DDAH1: variants seen among roughly 807,000 people sequenced by gnomAD.
DDAH1 encodes the protein dimethylarginine dimethylaminohydrolase 1.
DDAH1 carries 19 observed loss-of-function variants against 28.8 expected under a neutral mutation model. That is an observed-to-expected ratio of 0.66 (90% CI 0.46 to 0.97). The LOEUF (loss-of-function observed/expected upper bound fraction) is 0.97. Ranked by LOEUF, DDAH1 falls within the 50% of genes least tolerant of loss-of-function variation. The probability of loss-of-function intolerance (pLI) is 0.00; values close to 1 mark genes in which losing one functional copy is unlikely to be tolerated. For missense variants in DDAH1, 326 were observed against 375.9 expected (o/e 0.87, Z 1.10); for synonymous variants, 153 against 154.4 (o/e 0.99, Z 0.07).
chr1:85,424,564 A>G (rs1046901398), intron 1 of DDAH1, among the ~76,000 whole-genome samples: 1 of 152,000 alleles, frequency 6.6e-6, no homozygotes, highest in African/African-American at 2.4e-5. Context: ...TTAAAAAACT[A>G]TTTTTCCCCC....
chr1:85,482,598 C>T (rs534116154), intron 2 of DDAH1: 22 of 152,224 alleles, frequency 1.4e-4, no homozygotes, highest in Admixed American at 5.9e-4. Flanking sequence ...CATCCCAGAC[C>T]CAATAAATGA....
At position 85,538,462 on chromosome 1, in the gene DDAH1, GC is replaced by G. The variant is rs1167472481; in HGVS notation, c.-123+39521del. Among the ~76,000 whole-genome samples the G allele has an allele frequency of 7.9e-5, 12 of 152,270 alleles. No homozygotes were observed. In the South Asian group the frequency reaches 8.3e-4, roughly 11 times the overall value. On this transcript the variant is annotated intron_variant, in intron 1 of 6. Transcript: ENST00000426972. ...GTATCATTATTATTAGTGTTGGATTGCCCTAAAAGGGGAACACCCGGGGGCC... is the reference window on the plus strand; with the variant it reads ...GTATCATTATTATTAGTGTTGGATTGCCTAAAAGGGGAACACCCGGGGGCC...
intron 2 of DDAH1, among the ~76,000 whole-genome samples, chr1:85,473,358 T>G (rs1655682994): frequency 6.6e-6 from 1 of 152,192 alleles, no homozygotes; most frequent in Admixed American, 6.5e-5. Context: ...CATTTGATAT[T>G]CAATATATAT....
intron 1 of DDAH1, among the ~76,000 whole-genome samples, chr1:85,430,493 A>G (rs1653624909): frequency 1.3e-5 from 2 of 152,000 alleles, no homozygotes; most frequent in Admixed American, 6.6e-5. Context: ...TTTGGGCAGT[A>G]TGGCCATTTT....
intron 4 of DDAH1, among the ~76,000 whole-genome samples, chr1:85,343,772 T>C (rs1168311146): frequency 6.6e-6 from 1 of 152,212 alleles, no homozygotes; most frequent in Non-Finnish European, 1.5e-5. Flanking sequence ...AAAAAGCATA[T>C]AAAATCCAAA....
At chr1:85,365,483 G>A (rs1389717671) in intron 1 of DDAH1, among the ~76,000 whole-genome samples, 2 of 152,240 alleles carry the variant, frequency 1.3e-5, no homozygotes, top group Admixed American at 6.5e-5. Flanking sequence ...ACAAACTAAG[G>A]CTAATAAATT....
At chr1:85,544,554 C>T (rs1658562437) in intron 1 of DDAH1, among the ~76,000 whole-genome samples, 1 of 152,258 alleles carries the variant, frequency 6.6e-6, no homozygotes, top group Admixed American at 6.5e-5. Flanking sequence ...TTTCTCTTCA[C>T]TCAGACACCC....
intron 1 of DDAH1, among the ~76,000 whole-genome samples, chr1:85,424,582 G>A (rs1055620572): frequency 2.0e-5 from 3 of 151,872 alleles, no homozygotes; most frequent in African/African-American, 7.3e-5. Flanking sequence ...CCCTTAACTA[G>A]TATCTCCATT....
At chr1:85,386,831 T>C (rs1447160891) in intron 1 of DDAH1, among the ~76,000 whole-genome samples, 2 of 152,208 alleles carry the variant, frequency 1.3e-5, no homozygotes, top group Non-Finnish European at 2.9e-5. Flanking sequence ...CTCTGAAATC[T>C]AGGTGGAAGC....
chr1:85,333,358 T>C (rs1044884668), intron 4 of DDAH1, among the ~76,000 whole-genome samples: 3 of 151,908 alleles, frequency 2.0e-5, no homozygotes, highest in Non-Finnish European at 2.9e-5. Flanking sequence ...ATCTAAAAAA[T>C]TGGAGGAAGT....
chr1:85,376,043 C>T (rs1650649835), intron 1 of DDAH1, among the ~76,000 whole-genome samples: 1 of 152,112 alleles, frequency 6.6e-6, no homozygotes, highest in African/African-American at 2.4e-5. Flanking sequence ...AAAGGTTTTT[C>T]CTCAACACCA....
At chr1:85,330,682 C>T (rs971212209) in intron 4 of DDAH1, among the ~76,000 whole-genome samples, 4 of 152,174 alleles carry the variant, frequency 2.6e-5, no homozygotes, top group East Asian at 1.9e-4. Context: ...GTTGCTGTTC[C>T]GAATGCCCTT....
At chr1:85,530,885 G>C (rs373323550) in intron 1 of DDAH1, among the ~76,000 whole-genome samples, 2,943 of 150,262 alleles carry the variant, frequency 0.02, 87 homozygotes, top group African/African-American at 0.068. Context: ...CAGCTACTTG[G>C]GAGGCTGAGC....
Position 85,352,030 on chromosome 1 carries a change from A to T in DDAH1, c.404-451T>A, listed in dbSNP as rs187662984. 3.5e-4 allele frequency among the ~76,000 whole-genome samples: 53 copies of T among 152,312 alleles called. 1 individual carries two copies. The East Asian group carries it at 6.4e-3, about 18-fold the overall frequency. On this transcript the variant is annotated intron_variant, in intron 2 of 5. Coordinates refer to ENST00000284031, the MANE Select transcript of DDAH1 (RefSeq NM_012137.4). Reference sequence around the variant, plus strand: ...TTAGGCAATAATAAACACATTGATAATCTCTGATCAGAAATTAAGTAATAG... The same window carrying T: ...TTAGGCAATAATAAACACATTGATATTCTCTGATCAGAAATTAAGTAATAG...
chr1:85,563,018 T>C (rs1659184007), intron 1 of DDAH1, among the ~76,000 whole-genome samples: 1 of 152,198 alleles, frequency 6.6e-6, no homozygotes, highest in Admixed American at 6.5e-5. Context: ...CTGCACAGTA[T>C]AGTGATTGCT....
rs563389064 is a variant in DDAH1, at chr1:85,530,003, G to A, written c.-122-33722C>T. On this transcript the variant is annotated intron_variant, in intron 1 of 6. Transcript: ENST00000426972. ...TGTGGGAAGGACCCTGGGCATCTTG[G>A]AGGGGTTGGAAACTGCTGACCCACG... Among the ~76,000 whole-genome samples the A allele has an allele frequency of 4.0e-3, 563 of 142,058 alleles. 2 individuals are homozygous for A. Among genetic ancestry groups the A allele is most frequent in the Middle Eastern group, 0.011 (3 of 282 alleles). 93.2% of individuals were successfully genotyped at this position (142,058 alleles called of 152,430 possible).
intron 1 of DDAH1, among the ~76,000 whole-genome samples, chr1:85,374,450 G>A (rs191674261): frequency 6.2e-4 from 94 of 152,086 alleles, no homozygotes; most frequent in Admixed American, 5.4e-3. Flanking sequence ...CCTATCCTTG[G>A]TGTTTCCAAA....
intron 1 of DDAH1, chr1:85,399,769 C>T (rs1651982014): frequency 6.6e-6 from 1 of 152,170 alleles, no homozygotes; most frequent in Non-Finnish European, 1.5e-5. Flanking sequence ...ATTTTTCTGC[C>T]TCCCTGTCCC....
chr1:85,373,319 A>T (rs1207042512), intron 1 of DDAH1, among the ~76,000 whole-genome samples: 5 of 152,122 alleles, frequency 3.3e-5, no homozygotes, highest in African/African-American at 1.2e-4. Flanking sequence ...GCAGTGAACT[A>T]AAGAGTATCT....
Sources: gnomAD v4.1 joint callset for allele counts (sites outside exome capture counted in the v4.1 genomes callset) on GRCh38, gnomAD v4.1.1 for gene constraint, MANE v1.5 for transcripts, NCBI Gene and HGNC (gene_info 2026-07-23, HGNC 2026-07-21) for gene names.